ANKRD30B: variants seen among roughly 807,000 people sequenced by gnomAD.
The protein encoded by ANKRD30B is ankyrin repeat domain-containing protein 30B.
In ANKRD30B, 144 loss-of-function variants were observed where a neutral mutation model predicts 202.2. The observed-to-expected ratio is 0.71, with a 90% CI of 0.62 to 0.82. The LOEUF is 0.82. Among genes scored for constraint, ANKRD30B ranks in the 40% least tolerant of loss-of-function variants. The pLI is 0.00. For missense variants in ANKRD30B, 1,487 were observed against 1,669.1 expected, an observed-to-expected ratio of 0.89 and a Z score of 1.90; for synonymous variants, 508 against 561.3, an observed-to-expected ratio of 0.91 and a Z score of 1.34.
At chr18:14,871,167 A>C in the ANKRD30B span, among the ~76,000 whole-genome samples, 2 of 101,640 alleles carry the variant, frequency 2.0e-5, no homozygotes, top group Admixed American at 1.1e-4. Flanking sequence ...CCCTACCCAC[A>C]CCGGCACACC....
intron 8 of ANKRD30B, among the ~76,000 whole-genome samples, chr18:14,771,799 A>G (rs1020351207): frequency 6.6e-6 from 1 of 152,184 alleles, no homozygotes; most frequent in African/African-American, 2.4e-5. Context: ...AAGTTATGTC[A>G]GCCATTAAGT....
chr18:14,851,635 T>C lies in ANKRD30B; in HGVS notation c.3691T>C (p.Tyr1231His). The C allele has an allele frequency of 1.2e-6, 2 of 1,611,708 alleles. No individual in the cohort carries two copies. Among genetic ancestry groups the C allele is most frequent in the Non-Finnish European group, 1.7e-6 (2 of 1,178,938 alleles). The change falls in exon 42 of 44, where the codon TAC becomes CAC. Residue 1231 changes from tyrosine to histidine, a missense_variant. By Grantham distance (83) the Tyr-to-His change is moderately conservative (BLOSUM62 2). Coordinates refer to ENST00000690538, the MANE Select transcript of ANKRD30B (RefSeq NM_001367607.2). ...TCAACACCAGGTGAAGGAAAATAAATACTTTGAGGACATTAAGATTTTACA... is the reference window on the plus strand; with the variant it reads ...TCAACACCAGGTGAAGGAAAATAAACACTTTGAGGACATTAAGATTTTACA... ...KHQHQVKENK[Y>H]FEDIKILQEK...
At chr18:14,845,717 A>G (rs1230984831) in intron 39 of ANKRD30B, among the ~76,000 whole-genome samples, 1 of 152,082 alleles carries the variant, frequency 6.6e-6, no homozygotes, top group African/African-American at 2.4e-5. Flanking sequence ...GAGCTTATCA[A>G]CAACATAAAT....
At chr18:14,901,016 A>G in the ANKRD30B span, among the ~76,000 whole-genome samples, 4 of 152,224 alleles carry the variant, frequency 2.6e-5, no homozygotes, top group African/African-American at 9.6e-5. Flanking sequence ...CTTCAAATGC[A>G]TTCTTCATAA....
chr18:14,816,515 G>C (rs1970114413), intron 30 of ANKRD30B: 4 of 151,906 alleles, frequency 2.6e-5, no homozygotes, highest in Admixed American at 2.6e-4. Flanking sequence ...GCATGGTGGT[G>C]GGTGCCTCTA....
chr18:14,792,288 C>T (rs1968568351), intron 16 of ANKRD30B, among the ~76,000 whole-genome samples: 1 of 151,952 alleles, frequency 6.6e-6, no homozygotes, highest in African/African-American at 2.4e-5. Context: ...GAAGAAGGGC[C>T]ATTGGGTAGA....
At chr18:14,901,082 A>G in the ANKRD30B span, among the ~76,000 whole-genome samples, 1 of 152,224 alleles carries the variant, frequency 6.6e-6, no homozygotes, top group South Asian at 2.1e-4. Context: ...CTGAATAACT[A>G]AATAACCACT....
At chr18:14,855,098 G>T (rs1336674379), downstream of ANKRD30B, among the ~76,000 whole-genome samples, 1 of 152,042 alleles carries the variant, frequency 6.6e-6, no homozygotes, top group East Asian at 1.9e-4. Flanking sequence ...ATTAGGGAGT[G>T]GTGATGACTC....
the ANKRD30B span, among the ~76,000 whole-genome samples, chr18:14,914,204 G>C: frequency 6.6e-6 from 1 of 152,178 alleles, no homozygotes; most frequent in Non-Finnish European, 1.5e-5. Context: ...ATCTTTCTCT[G>C]TTCCTCCATG....
rs537849294 is a variant in ANKRD30B, at chr18:14,788,861, G to A, written c.1734+1761G>A. 7.2e-5 allele frequency among the ~76,000 whole-genome samples: 11 copies of A among 152,268 alleles called. No individual in the cohort carries two copies. The East Asian group carries it at 2.1e-3, about 29-fold the overall frequency. On this transcript the variant is annotated intron_variant, in intron 15 of 43. Transcript: ENST00000690538. ...ATAGTGCCACAATAAACATATGTGT[G>A]CATGTGTCTTTATAGCAGCATGATT...
chr18:14,866,657 A>G, the ANKRD30B span, among the ~76,000 whole-genome samples: 1 of 152,112 alleles, frequency 6.6e-6, no homozygotes, highest in Non-Finnish European at 1.5e-5. Context: ...CGCTCTCTGC[A>G]GCTGCACTGC....
the ANKRD30B span, among the ~76,000 whole-genome samples, chr18:14,871,651 G>T: frequency 1.8e-4 from 28 of 152,052 alleles, no homozygotes; most frequent in Non-Finnish European, 1.8e-4. Context: ...CTAGCACCTG[G>T]GGAGGCCCAG....
rs765138480 is a variant in ANKRD30B, at chr18:14,760,668, G to A, written c.820+50G>A. ...TCTTGATGGTGCTACCATAAGATTA[G>A]GGAAGTGCTGATCACAAAAAAGCAA... On this transcript the variant is annotated intron_variant, in intron 6 of 43. Transcript: ENST00000690538. 12 of 1,323,090 alleles carry A rather than the reference G, an allele frequency of 9.1e-6. No homozygotes were observed. The East Asian group carries it at 1.8e-4, about 20-fold the overall frequency. The allele number at this position is 1,323,090 out of a possible 1,614,324, so 82.0% of individuals were successfully genotyped here. A position where few individuals can be genotyped will look rare whatever the true frequency, so the allele number is the denominator to read the frequency against.
the ANKRD30B span, among the ~76,000 whole-genome samples, chr18:14,880,786 A>T: frequency 6.6e-6 from 1 of 151,656 alleles, no homozygotes; most frequent in African/African-American, 2.4e-5. Flanking sequence ...AGGTCTTTTG[A>T]TTCCTTTGCT....
intron 5 of ANKRD30B, among the ~76,000 whole-genome samples, chr18:14,760,251 G>T (rs1360312712): frequency 1.3e-5 from 2 of 152,194 alleles, no homozygotes; most frequent in African/African-American, 4.8e-5. Context: ...AAAAATACCT[G>T]TTGGTAACTG....
chr18:14,846,067 TA>T (rs748366504), intron 39 of ANKRD30B, among the ~76,000 whole-genome samples: 14 of 26,402 alleles, frequency 5.3e-4, no homozygotes, highest in Admixed American at 2.9e-3. Flanking sequence ...TTTACTTTCT[TA>T]TTTTTTTTTT....
intron 1 of ANKRD30B, among the ~76,000 whole-genome samples, 155 bp from the exon 2 acceptor site, chr18:14,752,411 A>G (rs1913594989): frequency 6.6e-6 from 1 of 152,220 alleles, no homozygotes; most frequent in African/African-American, 2.4e-5. Flanking sequence ...GTGAGTAATA[A>G]GAGAACGAAT....
intron 9 of ANKRD30B, among the ~76,000 whole-genome samples, chr18:14,773,299 A>C (rs1967131715): frequency 6.6e-6 from 1 of 152,206 alleles, no homozygotes; most frequent in Admixed American, 6.5e-5. Flanking sequence ...GAGATACTGC[A>C]GGTTAGAAAA....
chr18:14,832,603 A>G (rs764356733), intron 34 of ANKRD30B, among the ~76,000 whole-genome samples: 6 of 152,224 alleles, frequency 3.9e-5, no homozygotes, highest in Non-Finnish European at 7.3e-5. Flanking sequence ...TCTTGCCTGT[A>G]AAAAGCATTT....
Sources: gnomAD v4.1 joint callset for allele counts (sites outside exome capture counted in the v4.1 genomes callset) on GRCh38, gnomAD v4.1.1 for gene constraint, MANE v1.5 for transcripts, NCBI Gene and HGNC (gene_info 2026-07-23, HGNC 2026-07-21) for gene names.